FRA10AC1: variants seen among roughly 807,000 people sequenced by gnomAD.
FRA10AC1 encodes the protein protein FRA10AC1.
In FRA10AC1, 43 loss-of-function variants were observed where a neutral mutation model predicts 56.5. The ratio of observed to expected loss-of-function variants is 0.76; its 90% CI spans 0.60 to 0.98. FRA10AC1 has a LOEUF of 0.98. Among genes scored for constraint, FRA10AC1 ranks in the 50% least tolerant of loss-of-function variants. The pLI is 0.00. For missense variants in FRA10AC1, 346 were observed against 351.8 expected (o/e 0.98, Z 0.13); for synonymous variants, 112 against 110.5 (o/e 1.01, Z -0.09).
chr10:93,702,510 G>GCCACAA lies in FRA10AC1; in HGVS notation c.-142_-137dup, dbSNP rs2059354211. 5.3e-6 allele frequency: 1 copy of GCCACAA among 187,870 alleles called. No individual in the cohort carries two copies. The highest frequency in any genetic ancestry group is 2.8e-5 in the African/African-American group (1 of 35,254). 11.6% of individuals were successfully genotyped at this position (187,870 alleles called of 1,614,324 possible). ...CCCGTGCGCCCTGCCGCACAGCCTCGCCACAACCACCACCGCCGCCGCCGC... is the reference window on the plus strand; with the variant it reads ...CCCGTGCGCCCTGCCGCACAGCCTCGCCACAACCACAACCACCACCGCCGCCGCCGC... On this transcript the variant is annotated 5_prime_UTR_variant, in exon 1 of 14. Transcript: ENST00000359204.
intron 13 of FRA10AC1, 109 bp downstream of exon 13, chr10:93,670,661 G>A: frequency 1.4e-6 from 1 of 693,792 alleles, no homozygotes; most frequent in Non-Finnish European, 2.5e-6. Flanking sequence ...GCAGTCCTTG[G>A]CATTAAATAG....
rs577222550 is a variant in FRA10AC1 at position 93,668,935 on chromosome 10, G to A, written c.*891C>T. 48 of 152,278 alleles carry A rather than the reference G, an allele frequency of 3.2e-4. No homozygotes were observed. Among genetic ancestry groups the A allele is most frequent in the African/African-American group, 1.2e-3 (48 of 41,574 alleles). 9.4% of individuals were successfully genotyped at this position (152,278 alleles called of 1,614,324 possible). A position where few individuals can be genotyped will look rare whatever the true frequency, so the allele number is the denominator to read the frequency against. On this transcript the variant is annotated 3_prime_UTR_variant, in exon 14 of 14. Transcript: ENST00000359204. Reference sequence around the variant, plus strand: ...ATCTGAGGCAAGATACATGCACATAGTATTATTCAGTTAAATTATCTTACT... The same window carrying A: ...ATCTGAGGCAAGATACATGCACATAATATTATTCAGTTAAATTATCTTACT...
intron 8 of FRA10AC1, among the ~76,000 whole-genome samples, chr10:93,687,007 T>C (rs2133919709): frequency 6.6e-6 from 1 of 152,034 alleles, no homozygotes. Context: ...ATTAAAGTGA[T>C]ATTTAACTTC....
chr10:93,689,593 T>C (rs894393924), intron 7 of FRA10AC1, among the ~76,000 whole-genome samples: 3 of 152,166 alleles, frequency 2.0e-5, no homozygotes, highest in South Asian at 4.1e-4. Flanking sequence ...CAACTACCTA[T>C]TGGGCTTGGC....
intron 1 of FRA10AC1, among the ~76,000 whole-genome samples, chr10:93,701,696 T>A (rs957644549): frequency 2.0e-5 from 3 of 152,160 alleles, no homozygotes. Context: ...CACCCTTTTT[T>A]AGGTCAACTC....
chr10:93,682,345 A>G (rs1293229317), intron 10 of FRA10AC1, among the ~76,000 whole-genome samples: 2 of 152,226 alleles, frequency 1.3e-5, no homozygotes, highest in Non-Finnish European at 2.9e-5. Flanking sequence ...CATCTACTAA[A>G]TGCTATAATA....
intron 8 of FRA10AC1, among the ~76,000 whole-genome samples, chr10:93,686,111 C>T (rs1320301200): frequency 1.3e-5 from 2 of 151,830 alleles, no homozygotes; most frequent in Admixed American, 6.6e-5. Context: ...TAATTTATAT[C>T]ACAATAATTT....
At chr10:93,689,504 A>G (rs1251494036) in intron 7 of FRA10AC1, among the ~76,000 whole-genome samples, 1 of 152,124 alleles carries the variant, frequency 6.6e-6, no homozygotes, top group Non-Finnish European at 1.5e-5. Flanking sequence ...TGTCTACTGA[A>G]GCACAGCCAA....
intron 5 of FRA10AC1, among the ~76,000 whole-genome samples, chr10:93,693,341 G>A (rs2059155934): frequency 6.7e-6 from 1 of 148,906 alleles, no homozygotes; most frequent in South Asian, 2.1e-4. Flanking sequence ...AATTGTTAGA[G>A]GGAAAAAAAA....
intron 7 of FRA10AC1, among the ~76,000 whole-genome samples, chr10:93,691,510 A>G (rs1490005535): frequency 6.6e-6 from 1 of 152,192 alleles, no homozygotes; most frequent in East Asian, 1.9e-4. Flanking sequence ...TAAGATGTAA[A>G]GTGGGAAAGG....
At chr10:93,692,157 G>A in intron 6 of FRA10AC1, 64 bp from the exon 7 acceptor site, 1 of 1,176,154 alleles carries the variant, frequency 8.5e-7, no homozygotes, top group Non-Finnish European at 1.1e-6. Flanking sequence ...CTACTTTCAA[G>A]TGATGTCAAA....
At chr10:93,702,700 G>C (rs1169401819), upstream of FRA10AC1, 1 of 236,188 alleles carries the variant, frequency 4.2e-6, no homozygotes, top group Non-Finnish European at 8.5e-6. Context: ...GGGAGAAACG[G>C]CCCGGAAAGG....
chr10:93,702,547 C>CCGCCGCCGCCGCCGCCGG lies in FRA10AC1; in HGVS notation c.-174_-173insCCGGCGGCGGCGGCGGCG, dbSNP rs1384954374. On this transcript the variant is annotated 5_prime_UTR_variant, in exon 1 of 14. Transcript: ENST00000359204. ...ACCGCCGCCGCCGCCGCCGCCGCCG[C>CCGCCGCCGCCGCCGCCGG]CCGCAACCCGCCTCTCCCTACGGGT... 4.3e-6 allele frequency: 1 copy of CCGCCGCCGCCGCCGCCGG among 232,116 alleles called. No homozygotes were observed. The highest frequency in any genetic ancestry group is 8.3e-6 in the Non-Finnish European group (1 of 120,624). 14.4% of individuals were successfully genotyped at this position (232,116 alleles called of 1,614,324 possible).
At chr10:93,702,027 G>C (rs2059341377) in intron 1 of FRA10AC1, among the ~76,000 whole-genome samples, 1 of 152,052 alleles carries the variant, frequency 6.6e-6, no homozygotes. Context: ...CCCAGTAAAT[G>C]TTACATCATC....
rs1020443624 is a variant in FRA10AC1 at position 93,692,825 on chromosome 10, A to G, written c.297-96T>C. On this transcript the variant is annotated intron_variant, in intron 5 of 13. Transcript: ENST00000359204. ...AGTTTTGGAAAATTTTATTAAAAATATAATACATGAAGATAGTTTTTTGGT... is the reference window on the plus strand; with the variant it reads ...AGTTTTGGAAAATTTTATTAAAAATGTAATACATGAAGATAGTTTTTTGGT... 3 of 622,264 alleles carry G rather than the reference A, an allele frequency of 4.8e-6. No homozygotes were observed. In the African/African-American group the frequency reaches 5.8e-5, roughly 12 times the overall value. The allele number at this position is 622,264 out of a possible 1,614,324, so 38.5% of individuals were successfully genotyped here.
intron 8 of FRA10AC1, 54 bp downstream of exon 8, chr10:93,687,350 T>C: frequency 7.6e-7 from 1 of 1,312,492 alleles, no homozygotes; most frequent in Non-Finnish European, 1.0e-6. Flanking sequence ...TCCAATTCAG[T>C]AACTTAACAA....
chr10:93,693,950 G>A (rs1228030126), intron 5 of FRA10AC1, among the ~76,000 whole-genome samples: 1 of 151,688 alleles, frequency 6.6e-6, no homozygotes, highest in Non-Finnish European at 1.5e-5. Flanking sequence ...GGGAGGTGAG[G>A]GATAAAAGAC....
chr10:93,684,878 T>C (rs916480597), intron 9 of FRA10AC1, among the ~76,000 whole-genome samples: 1 of 152,202 alleles, frequency 6.6e-6, no homozygotes, highest in Non-Finnish European at 1.5e-5. Flanking sequence ...GTGAATTTGT[T>C]TATTATCTGT....
intron 12 of FRA10AC1, 23 bp downstream of exon 12, chr10:93,676,630 T>G: frequency 1.9e-6 from 3 of 1,548,504 alleles, no homozygotes; most frequent in Non-Finnish European, 2.6e-6. Context: ...CATATTTTTA[T>G]TAAATAAACA....
Sources: gnomAD v4.1 joint callset for allele counts (sites outside exome capture counted in the v4.1 genomes callset) on GRCh38, gnomAD v4.1.1 for gene constraint, MANE v1.5 for transcripts, NCBI Gene and HGNC (gene_info 2026-07-23, HGNC 2026-07-21) for gene names.